The following ADRA1A variants were observed in gnomAD, a reference collection of about 807,000 sequenced individuals.
ADRA1A encodes the protein adrenoceptor alpha 1A, also known as alpha-1A adrenergic receptor.
A neutral mutation model predicts 29.6 loss-of-function variants in ADRA1A; 31 were observed. The ratio of observed to expected loss-of-function variants is 1.05; its 90% CI spans 0.79 to 1.41. ADRA1A has a LOEUF of 1.41. ADRA1A is among the 40% of genes most tolerant of loss of function. The pLI, the probability that ADRA1A is intolerant of heterozygous loss-of-function variation, is 0.00. For synonymous variants in ADRA1A, 311 were observed against 254.3 expected (o/e 1.22, Z -2.12); for missense variants, 619 against 601.1 (o/e 1.03, Z -0.31).
intron 2 of ADRA1A, among the ~76,000 whole-genome samples, chr8:26,794,423 TG>T (rs1808048290): frequency 6.6e-6 from 1 of 152,104 alleles, no homozygotes; most frequent in African/African-American, 2.4e-5. Context: ...GCATGAATTT[TG>T]GGATACAGGG....
At chr8:26,832,196 G>A (rs1585787985) in intron 2 of ADRA1A, among the ~76,000 whole-genome samples, 1 of 152,172 alleles carries the variant, frequency 6.6e-6, no homozygotes, top group South Asian at 2.1e-4. Context: ...CAGGTGGGAC[G>A]CTCATGGTGA....
At chr8:26,780,851 C>T (rs1406716738) in intron 2 of ADRA1A, among the ~76,000 whole-genome samples, 1 of 152,220 alleles carries the variant, frequency 6.6e-6, no homozygotes, top group African/African-American at 2.4e-5. Context: ...GTTCTGTGCT[C>T]CTTATGAGAA....
At chr8:26,752,809 G>T (rs76826777), downstream of ADRA1A, among the ~76,000 whole-genome samples, 5 of 152,296 alleles carry the variant, frequency 3.3e-5, no homozygotes, top group East Asian at 9.6e-4. Flanking sequence ...CTGAGAAAAA[G>T]AACAACCTGT....
Position 26,865,154 on chromosome 8 carries a change from T to G in ADRA1A, c.-185A>C. On this transcript the variant is annotated 5_prime_UTR_variant, in exon 2 of 3. Coordinates refer to ENST00000380573, the MANE Select transcript of ADRA1A (RefSeq NM_000680.4). This position sits in a 1 kb window ranked among gnomAD's most constrained non-coding sequence, Gnocchi z 7.6. ...CAACCCTGGCCAGCCCTGGGAACCC[T>G]CAGAAGGCCACATGAAGGGGCAGGG... The G allele has an allele frequency of 7.0e-7, 1 of 1,432,626 alleles. No homozygotes were observed. The highest frequency in any genetic ancestry group is 9.1e-7 in the Non-Finnish European group (1 of 1,098,690). 88.7% of individuals were successfully genotyped at this position (1,432,626 alleles called of 1,614,324 possible). A position where few individuals can be genotyped will look rare whatever the true frequency, so the allele number is the denominator to read the frequency against.
At chr8:26,822,042 C>A (rs144454896) in intron 2 of ADRA1A, among the ~76,000 whole-genome samples, 172 of 152,272 alleles carry the variant, frequency 1.1e-3, no homozygotes, top group African/African-American at 4.0e-3. Context: ...AATAAAGCTG[C>A]TGTAAAAACT....
chr8:26,783,362 C>A (rs956458472), intron 2 of ADRA1A, among the ~76,000 whole-genome samples: 1 of 152,074 alleles, frequency 6.6e-6, no homozygotes, highest in South Asian at 2.1e-4. Flanking sequence ...TGATCATTTG[C>A]GTGACTGTTA....
chr8:26,791,377 C>T (rs966989705), intron 2 of ADRA1A, among the ~76,000 whole-genome samples: 4 of 151,996 alleles, frequency 2.6e-5, no homozygotes, highest in East Asian at 1.9e-4. Flanking sequence ...GTTTTTGATC[C>T]GTATTGCCAA....
At position 26,864,974 on chromosome 8, in the gene ADRA1A, C is replaced by G; in HGVS notation, c.-5G>C. The G allele has an allele frequency of 6.3e-7, 1 of 1,588,562 alleles. No homozygotes were observed. Among genetic ancestry groups the G allele is most frequent in the Non-Finnish European group, 8.5e-7 (1 of 1,170,160 alleles). On this transcript the variant is annotated 5_prime_UTR_variant, in exon 2 of 3. Transcript: ENST00000380573. The surrounding 1 kb of genome is among the most constrained non-coding windows in gnomAD (Gnocchi z 8.1). ...ATTTCCCGAGAGAAACACCATGGTC[C>G]CAGCCGGGGCCGGGCGAGGTCCGGC... is the stretch of plus-strand genomic sequence containing the variant.
At chr8:26,855,290 C>T (rs986990849) in intron 2 of ADRA1A, among the ~76,000 whole-genome samples, 13 of 151,636 alleles carry the variant, frequency 8.6e-5, no homozygotes, top group Admixed American at 4.6e-4. Flanking sequence ...AGATCACATC[C>T]GTTTTTGGAA....
chr8:26,826,028 A>C (rs1423235024), intron 2 of ADRA1A, among the ~76,000 whole-genome samples: 1 of 152,198 alleles, frequency 6.6e-6, no homozygotes, highest in Non-Finnish European at 1.5e-5. Flanking sequence ...TTACACAATG[A>C]GTTCATTTTC....
intron 2 of ADRA1A, among the ~76,000 whole-genome samples, chr8:26,812,429 G>A (rs866448830): frequency 2.0e-5 from 3 of 152,126 alleles, no homozygotes; most frequent in South Asian, 2.1e-4. Flanking sequence ...AAATAATAAT[G>A]ACACTACTTT....
chr8:26,851,370 A>G (rs1020956850), intron 2 of ADRA1A, among the ~76,000 whole-genome samples: 8 of 152,240 alleles, frequency 5.3e-5, no homozygotes, highest in African/African-American at 1.7e-4. Context: ...ACAGAATTAA[A>G]AAGCAAAGAA....
At chr8:26,749,490 C>A (rs1350669053) in intron 2 of ADRA1A, among the ~76,000 whole-genome samples, 1 of 152,150 alleles carries the variant, frequency 6.6e-6, no homozygotes, top group Non-Finnish European at 1.5e-5. Flanking sequence ...AAAGATGATG[C>A]CTGGCATGTA....
In ADRA1A at chr8:26,865,919, A is replaced by G. The variant is rs920182644; in HGVS notation, c.-686-264T>C. On this transcript the variant is annotated intron_variant, in intron 1 of 2. Transcript: ENST00000380573. The surrounding 1 kb of genome is among the most constrained non-coding windows in gnomAD (Gnocchi z 7.6). ...AAAACAAACAAAAAAACAAATCCCC[A>G]AAACCCCAGGCTCCAGCGCTCGAAG... Among the ~76,000 whole-genome samples, 1 of 151,964 alleles carries G rather than the reference A, an allele frequency of 6.6e-6. No individual in the cohort carries two copies. The highest frequency in any genetic ancestry group is 6.5e-5 in the Admixed American group (1 of 15,278).
In ADRA1A at chr8:26,770,413, C is replaced by T. The variant is rs752875963; in HGVS notation, c.1137G>A (p.Val379=). 2 of 1,614,210 alleles carry T rather than the reference C, an allele frequency of 1.2e-6. No individual in the cohort carries two copies. The highest frequency in any genetic ancestry group is 3.3e-5 in the Admixed American group (2 of 60,028). ...TCCTGTAGAAGGTCTCTCTTGATCC[C>T]ACGGGGATGCGCACCATGTCCTTGT... ...GQHKDMVRIP[V]GSRETFYRIS... The change falls in exon 3 of 3, where the codon GTG becomes GTA. Residue 379 remains valine (V), a synonymous_variant. Coordinates refer to ENST00000380573, the MANE Select transcript of ADRA1A (RefSeq NM_000680.4).
intron 2 of ADRA1A, among the ~76,000 whole-genome samples, chr8:26,758,102 C>T (rs1294177853): frequency 1.3e-5 from 2 of 152,086 alleles, no homozygotes; most frequent in Non-Finnish European, 2.9e-5. Flanking sequence ...ACAAATTTTC[C>T]AGGTGGGGAT....
At chr8:26,776,972 G>A (rs1403038285) in intron 2 of ADRA1A, among the ~76,000 whole-genome samples, 2 of 152,140 alleles carry the variant, frequency 1.3e-5, no homozygotes, top group African/African-American at 4.8e-5. Flanking sequence ...ACACCAACAG[G>A]CCAAGGAGCT....
chr8:26,845,636 T>C (rs139457316), intron 2 of ADRA1A, among the ~76,000 whole-genome samples: 1 of 152,322 alleles, frequency 6.6e-6, no homozygotes, highest in East Asian at 1.9e-4. Context: ...TGTACATGGA[T>C]GTTCATAGCA....
Position 26,865,033 on chromosome 8 carries a change from C to A in ADRA1A, c.-64G>T. The A allele has an allele frequency of 6.6e-7, 1 of 1,517,296 alleles. No homozygotes were observed. The highest frequency in any genetic ancestry group is 1.8e-4 in the Middle Eastern group (1 of 5,416). The allele number at this position is 1,517,296 out of a possible 1,614,324, so 94.0% of individuals were successfully genotyped here. Reference sequence around the variant, plus strand: ...GCCACCTCCCGGGCTGGCGCGGAGGCGGGAGCGCGGGAGCCGGGAATCAAA... The same window carrying A: ...GCCACCTCCCGGGCTGGCGCGGAGGAGGGAGCGCGGGAGCCGGGAATCAAA... On this transcript the variant is annotated 5_prime_UTR_variant, in exon 2 of 3. Coordinates refer to ENST00000380573, the MANE Select transcript of ADRA1A (RefSeq NM_000680.4). The surrounding 1 kb of genome is among the most constrained non-coding windows in gnomAD (Gnocchi z 7.6).
Sources: allele counts gnomAD v4.1 joint callset (sites outside exome capture counted in the v4.1 genomes callset), GRCh38; gene constraint gnomAD v4.1.1; non-coding constraint Gnocchi (gnomAD v3.1); transcripts MANE v1.5; gene names NCBI Gene and HGNC (gene_info 2026-07-23, HGNC 2026-07-21).